Variants in CYP7B1 observed in about 807,000 individuals in gnomAD.
The protein encoded by CYP7B1 is cytochrome P450 family 7 subfamily B member 1, also known as cytochrome P450 7B1.
CYP7B1 carries 29 observed loss-of-function variants against 42.7 expected under a neutral mutation model. That is an observed-to-expected ratio of 0.68 (90% CI 0.51 to 0.93). The LOEUF (loss-of-function observed/expected upper bound fraction) is 0.93. CYP7B1 is among the 40% of genes least tolerant of loss of function. The pLI is 0.00. For missense variants in CYP7B1, 655 were observed against 600.5 expected (o/e 1.09, Z -0.95); for synonymous variants, 235 against 218.2 (o/e 1.08, Z -0.68).
chr8:64,753,452 T>C (rs1435789902), intron 1 of CYP7B1, among the ~76,000 whole-genome samples: 4 of 152,236 alleles, frequency 2.6e-5, no homozygotes, highest in African/African-American at 9.6e-5. Context: ...TCCAAGCATG[T>C]AACCTTGTCA....
Position 64,708,960 on chromosome 8 carries a change from C to G in CYP7B1, c.123-84421G>C, listed in dbSNP as rs560385365. Reference sequence around the variant, plus strand: ...ATTAGTTCTCCCTCAACCTCATGCTCACCTCCTCCTTTGCCTCTCCACAAA... The same window carrying G: ...ATTAGTTCTCCCTCAACCTCATGCTGACCTCCTCCTTTGCCTCTCCACAAA... On this transcript the variant is annotated intron_variant, in intron 1 of 5. Transcript: ENST00000310193. Among the ~76,000 whole-genome samples the G allele has an allele frequency of 3.3e-5, 5 of 152,300 alleles. No homozygotes were observed. The South Asian group carries it at 1.0e-3, about 32-fold the overall frequency.
chr8:64,765,632 G>A (rs938904406), intron 1 of CYP7B1, among the ~76,000 whole-genome samples: 12 of 152,274 alleles, frequency 7.9e-5, no homozygotes, highest in African/African-American at 1.9e-4. Flanking sequence ...TAACTAATCC[G>A]ATAAGCAGAG....
chr8:64,748,049 G>T (rs753300620), intron 1 of CYP7B1, among the ~76,000 whole-genome samples: 2 of 152,104 alleles, frequency 1.3e-5, no homozygotes, highest in Non-Finnish European at 2.9e-5. Flanking sequence ...CTCTTCTGGG[G>T]ACAACGAGAA....
chr8:64,641,226 A>C (rs1805851009), intron 1 of CYP7B1, among the ~76,000 whole-genome samples: 1 of 152,218 alleles, frequency 6.6e-6, no homozygotes, highest in African/African-American at 2.4e-5. Flanking sequence ...AAGGGTTTTC[A>C]AATCTTACAT....
chr8:64,777,660 G>A (rs1804348606), intron 1 of CYP7B1, among the ~76,000 whole-genome samples: 1 of 151,992 alleles, frequency 6.6e-6, no homozygotes, highest in Non-Finnish European at 1.5e-5. Flanking sequence ...TAGTTAAAAC[G>A]TGTTACCCAT....
chr8:64,681,150 C>A (rs949628859), intron 1 of CYP7B1, among the ~76,000 whole-genome samples: 1 of 152,182 alleles, frequency 6.6e-6, no homozygotes, highest in African/African-American at 2.4e-5. Context: ...AAAAGCATTT[C>A]TAATTATCTA....
chr8:64,653,002 G>A lies in CYP7B1; in HGVS notation c.123-28463C>T, dbSNP rs149841751. 7.2e-5 allele frequency among the ~76,000 whole-genome samples: 11 copies of A among 152,338 alleles called. No individual in the cohort carries two copies. The East Asian group carries it at 2.1e-3, about 29-fold the overall frequency. ...ATCTCTGGGACACAGCTAAGGTGGT[G>A]TTAAGAGAGAAATTCACAGCACTAA... On this transcript the variant is annotated intron_variant, in intron 1 of 5. Transcript: ENST00000310193.
intron 1 of CYP7B1, among the ~76,000 whole-genome samples, chr8:64,634,500 A>G (rs1036044820): frequency 2.6e-5 from 4 of 151,448 alleles, no homozygotes; most frequent in Non-Finnish European, 5.9e-5. Flanking sequence ...AATCGCTTGA[A>G]CCTGGGAGAT....
chr8:64,668,030 G>A (rs1011714776), intron 1 of CYP7B1, among the ~76,000 whole-genome samples: 1 of 152,164 alleles, frequency 6.6e-6, no homozygotes, highest in Non-Finnish European at 1.5e-5. Flanking sequence ...TTCTTACAGC[G>A]TAGGAATAGT....
intron 1 of CYP7B1, among the ~76,000 whole-genome samples, chr8:64,739,837 T>A (rs555322286): frequency 1.3e-5 from 2 of 152,272 alleles, no homozygotes; most frequent in Non-Finnish European, 2.9e-5. Context: ...TATGGTAGAC[T>A]TCTTTTCATT....
intron 1 of CYP7B1, among the ~76,000 whole-genome samples, chr8:64,783,858 T>C (rs565399279): frequency 6.6e-6 from 1 of 152,300 alleles, no homozygotes; most frequent in South Asian, 2.1e-4. Context: ...TAGAAAGTTT[T>C]AGACCAATTT....
intron 1 of CYP7B1, among the ~76,000 whole-genome samples, chr8:64,749,107 G>A (rs1807690581): frequency 6.6e-6 from 1 of 151,440 alleles, no homozygotes; most frequent in Non-Finnish European, 1.5e-5. Flanking sequence ...TTGAGACGGA[G>A]TCTTGCTCTG....
chr8:64,695,603 CTTT>C (rs35575527), intron 1 of CYP7B1, among the ~76,000 whole-genome samples: 7,251 of 99,904 alleles, frequency 0.073, 344 homozygotes, highest in African/African-American at 0.13. Context: ...TATCAAATTC[CTTT>C]TTTTTTTTTT....
intron 1 of CYP7B1, among the ~76,000 whole-genome samples, chr8:64,643,521 T>A (rs1014845065): frequency 1.2e-4 from 19 of 152,172 alleles, no homozygotes; most frequent in Non-Finnish European, 1.9e-4. Context: ...TGCTGACTGA[T>A]TAGGGTGGTG....
intron 4 of CYP7B1, among the ~76,000 whole-genome samples, chr8:64,606,356 A>C (rs1003908879): frequency 2.0e-5 from 3 of 152,246 alleles, no homozygotes; most frequent in African/African-American, 7.2e-5. Context: ...TCGGCCTCCC[A>C]TGTACTGCTG....
chr8:64,788,604 G>A (rs577254074), intron 1 of CYP7B1, among the ~76,000 whole-genome samples: 3 of 152,334 alleles, frequency 2.0e-5, no homozygotes, highest in Non-Finnish European at 2.9e-5. Flanking sequence ...GTTGCCAGGA[G>A]AGGGTCTGGC....
intron 4 of CYP7B1, among the ~76,000 whole-genome samples, chr8:64,610,414 G>T (rs756853531): frequency 7.2e-5 from 11 of 152,246 alleles, no homozygotes; most frequent in Non-Finnish European, 1.2e-4. Flanking sequence ...CATTAGAAGA[G>T]AGGATGTTGC....
downstream of CYP7B1, among the ~76,000 whole-genome samples, chr8:64,587,521 C>A (rs1458099821): frequency 2.6e-5 from 4 of 152,222 alleles, no homozygotes; most frequent in East Asian, 7.7e-4. Context: ...CCCGCAGCCG[C>A]ACCAAACCCG....
chr8:64,705,738 A>G (rs1042226309), intron 1 of CYP7B1, among the ~76,000 whole-genome samples: 1 of 152,080 alleles, frequency 6.6e-6, no homozygotes, highest in Non-Finnish European at 1.5e-5. Flanking sequence ...TATAGGCAAT[A>G]TACTTGATTA....
Sources: gnomAD v4.1 joint callset for allele counts (sites outside exome capture counted in the v4.1 genomes callset) on GRCh38, gnomAD v4.1.1 for gene constraint, MANE v1.5 for transcripts, NCBI Gene and HGNC (gene_info 2026-07-23, HGNC 2026-07-21) for gene names.